The following SMYD3 variants were observed in gnomAD, a reference collection of about 807,000 sequenced individuals.
SMYD3 encodes SET and MYND domain containing 3, also known as histone-lysine N-methyltransferase SMYD3.
Under a neutral mutation model 57.7 loss-of-function variants are expected in SMYD3, and 36 were observed. The observed-to-expected ratio is 0.62, with a 90% CI of 0.48 to 0.82. The LOEUF (loss-of-function observed/expected upper bound fraction) is 0.82. Ranked by LOEUF, SMYD3 falls within the 40% of genes least tolerant of loss-of-function variation. SMYD3 has a pLI of 0.00. For synonymous variants in SMYD3, 211 were observed against 195.0 expected (o/e 1.08, Z -0.68); for missense variants, 515 against 538.8 (o/e 0.96, Z 0.44).
At chr1:245,831,825 A>G (rs565354518) in intron 10 of SMYD3, among the ~76,000 whole-genome samples, 1 of 152,296 alleles carries the variant, frequency 6.6e-6, no homozygotes, top group African/African-American at 2.4e-5. Context: ...GATTCTGGAG[A>G]TGGCCAAATG....
intron 8 of SMYD3, among the ~76,000 whole-genome samples, chr1:245,882,158 T>G (rs2052817233): frequency 1.3e-5 from 2 of 152,056 alleles, no homozygotes; most frequent in South Asian, 4.1e-4. Context: ...CAGAGAAGGG[T>G]GCTGAAGAAA....
intron 5 of SMYD3, among the ~76,000 whole-genome samples, chr1:246,186,181 AT>A (rs1189981126): frequency 6.6e-6 from 1 of 152,274 alleles, no homozygotes; most frequent in Non-Finnish European, 1.5e-5. Context: ...TAAAACACAT[AT>A]AAAAGATTTA....
At chr1:246,257,515 T>C (rs1426313878) in intron 5 of SMYD3, among the ~76,000 whole-genome samples, 5 of 152,230 alleles carry the variant, frequency 3.3e-5, no homozygotes, top group African/African-American at 1.2e-4. Flanking sequence ...TAGGTGTTGT[T>C]ACCTGTGAGA....
chr1:246,345,603 G>A (rs1232367000), intron 2 of SMYD3, among the ~76,000 whole-genome samples: 3 of 152,120 alleles, frequency 2.0e-5, no homozygotes, highest in African/African-American at 2.4e-5. Flanking sequence ...ATTTTGGAGC[G>A]CTGCAGATTT....
At chr1:245,972,786 G>A (rs1174627186) in intron 5 of SMYD3, among the ~76,000 whole-genome samples, 2 of 152,184 alleles carry the variant, frequency 1.3e-5, no homozygotes, top group Admixed American at 1.3e-4. Flanking sequence ...CAACACCATG[G>A]AAAGAATCCG....
chr1:246,200,987 GACA>G (rs925818283), intron 5 of SMYD3, among the ~76,000 whole-genome samples: 7 of 152,218 alleles, frequency 4.6e-5, no homozygotes, highest in Non-Finnish European at 8.8e-5. Context: ...AATGTTTCTT[GACA>G]ACGAGGATTT....
At chr1:246,056,479 A>G (rs2060152819) in intron 5 of SMYD3, among the ~76,000 whole-genome samples, 1 of 152,164 alleles carries the variant, frequency 6.6e-6, no homozygotes, top group Non-Finnish European at 1.5e-5. Context: ...TCCAGGTCAC[A>G]CGAGATTAAG....
intron 1 of SMYD3, among the ~76,000 whole-genome samples, chr1:246,485,607 C>CT (rs1384154492): frequency 2.9e-5 from 1 of 34,162 alleles, no homozygotes; most frequent in Non-Finnish European, 6.3e-5. Context: ...TACAGTGAGA[C>CT]CCCCCCCCAC....
At chr1:245,906,048 A>G (rs933826607) in intron 8 of SMYD3, among the ~76,000 whole-genome samples, 2 of 152,226 alleles carry the variant, frequency 1.3e-5, no homozygotes, top group African/African-American at 4.8e-5. Context: ...TACTACAAGA[A>G]AATATTAAGG....
At chr1:246,463,623 G>A (rs1232383546) in intron 1 of SMYD3, among the ~76,000 whole-genome samples, 1 of 140,768 alleles carries the variant, frequency 7.1e-6, no homozygotes, top group Non-Finnish European at 1.5e-5. Flanking sequence ...GGAGACCATC[G>A]TGGCTAACAC....
At chr1:246,312,594 T>G (rs897130712) in intron 5 of SMYD3, among the ~76,000 whole-genome samples, 1 of 152,102 alleles carries the variant, frequency 6.6e-6, no homozygotes, top group Non-Finnish European at 1.5e-5. Flanking sequence ...CAGTATGCTG[T>G]GCGGAAGAAA....
In SMYD3 at chr1:246,176,551, C is replaced by A. The variant is rs142773258; in HGVS notation, c.531+150650G>T. On this transcript the variant is annotated intron_variant, in intron 5 of 11. Transcript: ENST00000490107. ...GCTTTTGTTTGTTTTGAGACAAGGT[C>A]TTGCTGTGGCCCAGACTGGAATGCA... Among the ~76,000 whole-genome samples, 5 of 152,250 alleles carry A rather than the reference C, an allele frequency of 3.3e-5. No homozygotes were observed. In the East Asian group the frequency reaches 9.6e-4, roughly 29 times the overall value.
At chr1:246,119,180 T>C (rs746504432) in intron 5 of SMYD3, among the ~76,000 whole-genome samples, 12 of 151,938 alleles carry the variant, frequency 7.9e-5, no homozygotes, top group Admixed American at 5.2e-4. Context: ...GCCAACATGC[T>C]TGGCTAAATT....
intron 5 of SMYD3, among the ~76,000 whole-genome samples, chr1:245,947,831 A>G (rs1225856832): frequency 6.6e-6 from 1 of 152,170 alleles, no homozygotes; most frequent in African/African-American, 2.4e-5. Context: ...TATAAATCAG[A>G]TATCTCAGAA....
chr1:246,473,532 G>C (rs1261449522), intron 1 of SMYD3, among the ~76,000 whole-genome samples: 1 of 152,152 alleles, frequency 6.6e-6, no homozygotes, highest in African/African-American at 2.4e-5. Context: ...CTTCTAGCTA[G>C]GAATATTACT....
At chr1:245,802,774 T>C (rs2047935630) in intron 10 of SMYD3, among the ~76,000 whole-genome samples, 1 of 152,230 alleles carries the variant, frequency 6.6e-6, no homozygotes, top group African/African-American at 2.4e-5. Context: ...AGGCCAGCAT[T>C]GCTCTTCAAG....
chr1:246,377,557 T>TAGGG (rs2066300513), intron 1 of SMYD3, among the ~76,000 whole-genome samples: 1 of 151,988 alleles, frequency 6.6e-6, no homozygotes, highest in South Asian at 2.1e-4. Context: ...TTAGTAGAGA[T>TAGGG]AGGGTTTCTC....
chr1:246,042,806 C>A (rs2059900988), intron 5 of SMYD3, among the ~76,000 whole-genome samples: 1 of 152,128 alleles, frequency 6.6e-6, no homozygotes, highest in Non-Finnish European at 1.5e-5. Flanking sequence ...CTTCCCCCAA[C>A]CCCAGAAACC....
At chr1:246,366,718 G>C (rs968856102) in intron 1 of SMYD3, among the ~76,000 whole-genome samples, 2 of 151,866 alleles carry the variant, frequency 1.3e-5, no homozygotes, top group Non-Finnish European at 2.9e-5. Flanking sequence ...GGCGGATCAC[G>C]AGGTCAGGAG....
Sources: allele counts gnomAD v4.1 joint callset (sites outside exome capture counted in the v4.1 genomes callset), GRCh38; gene constraint gnomAD v4.1.1; transcripts MANE v1.5; gene names NCBI Gene and HGNC (gene_info 2026-07-23, HGNC 2026-07-21).